Variants in DST observed in about 807,000 individuals in gnomAD.
DST encodes the protein dystonin.
In DST, 253 loss-of-function variants were observed where a neutral mutation model predicts 875.2. That is an observed-to-expected ratio of 0.29 (90% CI 0.26 to 0.32). DST has a LOEUF of 0.32. Ranked by LOEUF, DST falls within the 10% of genes least tolerant of loss-of-function variation. The pLI, the probability that DST is intolerant of heterozygous loss-of-function variation, is 1.00. For missense variants in DST, 8,287 were observed against 9,111.6 expected (o/e 0.91, Z 3.68); for synonymous variants, 3,124 against 3,197.1 (o/e 0.98, Z 0.77).
At chr6:56,482,586 G>C in intron 89 of DST, 97 bp downstream of exon 89, 1 of 1,242,162 alleles carries the variant, frequency 8.1e-7, no homozygotes, top group Non-Finnish European at 1.1e-6. Context: ...TGTCCTGATT[G>C]AGACACGAGG....
chr6:56,485,775 T>G (rs1019392847), intron 87 of DST, among the ~76,000 whole-genome samples: 8 of 152,218 alleles, frequency 5.3e-5, no homozygotes, highest in Admixed American at 2.6e-4. Flanking sequence ...AATTTTGTTT[T>G]AGATTATCAG....
At chr6:56,681,750 G>A (rs565773115) in intron 9 of DST, among the ~76,000 whole-genome samples, 5 of 152,186 alleles carry the variant, frequency 3.3e-5, no homozygotes, top group Non-Finnish European at 5.9e-5. Context: ...ATATCCAATG[G>A]ACAAATGACT....
intron 63 of DST, 44 bp from the exon 64 acceptor site, chr6:56,532,554 T>C (rs774833186): frequency 2.6e-5 from 39 of 1,504,152 alleles, no homozygotes; most frequent in Non-Finnish European, 2.9e-5. Flanking sequence ...GGAATAATTG[T>C]ATGAATATAA....
intron 86 of DST, among the ~76,000 whole-genome samples, chr6:56,489,232 G>A (rs1358942476): frequency 1.3e-5 from 2 of 152,174 alleles, no homozygotes; most frequent in African/African-American, 4.8e-5. Context: ...GTTTTAGATT[G>A]TAGAGGATTT....
chr6:56,634,757 T>C lies in DST; in HGVS notation c.3339+44A>G, dbSNP rs771282468. ...AATATGATCTCATTTACAAAATATA[T>C]GAATAATGACAGAAACTGGTCTGTT... On this transcript the variant is annotated intron_variant, in intron 25 of 103. Coordinates refer to ENST00000680361, the MANE Select transcript of DST (RefSeq NM_001374736.1). 5 of 1,609,186 alleles carry C rather than the reference T, an allele frequency of 3.1e-6. No individual in the cohort carries two copies. The South Asian group carries it at 4.4e-5, about 14-fold the overall frequency.
chr6:56,775,959 C>T (rs1161565138), intron 4 of DST, among the ~76,000 whole-genome samples: 1 of 152,228 alleles, frequency 6.6e-6, no homozygotes, highest in African/African-American at 2.4e-5. Context: ...GTGGGCTGCA[C>T]TTACAGTGCT....
At chr6:56,660,060 C>G (rs2099030824) in intron 10 of DST, among the ~76,000 whole-genome samples, 2 of 152,164 alleles carry the variant, frequency 1.3e-5, no homozygotes, top group South Asian at 4.1e-4. Context: ...CCTGTTAACA[C>G]TGAGAAAAGG....
At chr6:56,530,838 C>T (rs772458221) in intron 64 of DST, among the ~76,000 whole-genome samples, 5 of 152,168 alleles carry the variant, frequency 3.3e-5, no homozygotes, top group Non-Finnish European at 7.3e-5. Flanking sequence ...CTAGAGCAAG[C>T]TATTGTTCTG....
At chr6:56,795,469 C>T (rs2099738168) in intron 4 of DST, among the ~76,000 whole-genome samples, 3 of 152,014 alleles carry the variant, frequency 2.0e-5, no homozygotes, top group South Asian at 2.1e-4. Context: ...CAATCAAGTA[C>T]CTAACACAAC....
At chr6:56,744,041 C>T (rs2152941559) in intron 4 of DST, among the ~76,000 whole-genome samples, 1 of 151,342 alleles carries the variant, frequency 6.6e-6, no homozygotes, top group East Asian at 1.9e-4. Context: ...CCCAGCTACT[C>T]AGGAGACTGA....
At chr6:56,521,479 T>A (rs1165614979) in intron 69 of DST, among the ~76,000 whole-genome samples, 26 of 144,400 alleles carry the variant, frequency 1.8e-4, no homozygotes, top group South Asian at 2.2e-4. Flanking sequence ...CTTCCCTATT[T>A]AAAAAAAAAA....
Position 56,615,990 on chromosome 6 carries a change from G to C in DST, c.4930-1506C>G, listed in dbSNP as rs779163570. 1.9e-6 allele frequency: 3 copies of C among 1,614,106 alleles called. No individual in the cohort carries two copies. In the East Asian group the frequency reaches 6.7e-5, roughly 36 times the overall value. Reference sequence around the variant, plus strand: ...GCCACCCGGTACTTTTTGCCAGTAAGAGGATCAATTATGCCCCCTGTACTG... The same window carrying C: ...GCCACCCGGTACTTTTTGCCAGTAACAGGATCAATTATGCCCCCTGTACTG... On this transcript the variant is annotated intron_variant, in intron 36 of 103. Transcript: ENST00000680361.
intron 2 of DST, among the ~76,000 whole-genome samples, chr6:56,947,822 C>T (rs1425658535): frequency 1.3e-5 from 2 of 152,050 alleles, no homozygotes; most frequent in Non-Finnish European, 2.9e-5. Context: ...GGATTTTGCT[C>T]TCATTTCTCT....
Position 56,458,975 on chromosome 6 carries a change from C to A in DST, c.*30G>T. On this transcript the variant is annotated 3_prime_UTR_variant, in exon 104 of 104. Coordinates refer to ENST00000680361, the MANE Select transcript of DST (RefSeq NM_001374736.1). ...CGTTCAAACTTAAATAATAAATGCT[C>A]AAGGAAGGGCCTTGGTAGAACCAAT... 1 of 1,518,074 alleles carries A rather than the reference C, an allele frequency of 6.6e-7. No homozygotes were observed. The highest frequency in any genetic ancestry group is 1.4e-5 in the South Asian group (1 of 72,242). The allele number at this position is 1,518,074 out of a possible 1,614,324, so 94.0% of individuals were successfully genotyped here. A position where few individuals can be genotyped will look rare whatever the true frequency, so the allele number is the denominator to read the frequency against.
At chr6:56,943,177 T>C (rs1416047969) in intron 2 of DST, among the ~76,000 whole-genome samples, 4 of 152,210 alleles carry the variant, frequency 2.6e-5, no homozygotes, top group Admixed American at 6.5e-5. Flanking sequence ...TTTAAGCTTA[T>C]GACAGTTAAA....
chr6:56,770,891 T>C (rs938035335), intron 4 of DST, among the ~76,000 whole-genome samples: 1 of 151,702 alleles, frequency 6.6e-6, no homozygotes, highest in Non-Finnish European at 1.5e-5. Context: ...TCCCAGCTAC[T>C]TGGGAGGCTG....
chr6:56,627,188 T>A lies in DST; in HGVS notation c.4722+16A>T. 1 of 1,574,490 alleles carries A rather than the reference T, an allele frequency of 6.4e-7. No individual in the cohort carries two copies. On this transcript the variant is annotated intron_variant, in intron 34 of 103. Coordinates refer to ENST00000680361, the MANE Select transcript of DST (RefSeq NM_001374736.1). ...CCTGAATATTAAATTTTACTAAAGT[T>A]AATGAATCTTCCTACCTTCACTGTA...
intron 39 of DST, among the ~76,000 whole-genome samples, chr6:56,609,783 G>C (rs149926707): frequency 6.6e-6 from 1 of 152,082 alleles, no homozygotes. Flanking sequence ...TTCAAAGATA[G>C]TCAAAAACTA....
chr6:56,520,058 T>C (rs143298014), intron 69 of DST, among the ~76,000 whole-genome samples: 1 of 151,850 alleles, frequency 6.6e-6, no homozygotes, highest in East Asian at 1.9e-4. Flanking sequence ...ATATACAGTA[T>C]AAAGAAGAAC....
Sources: allele counts gnomAD v4.1 joint callset (sites outside exome capture counted in the v4.1 genomes callset), GRCh38; gene constraint gnomAD v4.1.1; transcripts MANE v1.5; gene names NCBI Gene and HGNC (gene_info 2026-07-23, HGNC 2026-07-21).